The following NAALADL2 variants were observed in gnomAD, a reference collection of about 807,000 sequenced individuals.
NAALADL2 encodes inactive N-acetylated-alpha-linked acidic dipeptidase-like protein 2.
In NAALADL2, 76 loss-of-function variants were observed where a neutral mutation model predicts 87.2. That is an observed-to-expected ratio of 0.87 (90% CI 0.72 to 1.05). The LOEUF (loss-of-function observed/expected upper bound fraction) is 1.05. Among genes scored for constraint, NAALADL2 ranks in the 50% least tolerant of loss-of-function variants. NAALADL2 has a pLI of 0.00. For synonymous variants in NAALADL2, 354 were observed against 331.0 expected, an observed-to-expected ratio of 1.07 and a Z score of -0.75; for missense variants, 1,089 against 945.8, an observed-to-expected ratio of 1.15 and a Z score of -1.99.
intron 7 of NAALADL2, among the ~76,000 whole-genome samples, chr3:175,464,356 G>A (rs542881346): frequency 1.5e-4 from 23 of 151,538 alleles, no homozygotes; most frequent in Admixed American, 9.9e-4. Context: ...TCTGGGAGGC[G>A]GAGGTTGCAG....
At chr3:175,380,715 T>G (rs907242812) in intron 5 of NAALADL2, among the ~76,000 whole-genome samples, 4 of 152,156 alleles carry the variant, frequency 2.6e-5, no homozygotes, top group Non-Finnish European at 4.4e-5. Context: ...AAATAAAGCT[T>G]TTTATGTTTT....
At position 174,659,551 on chromosome 3, in the gene NAALADL2, A is replaced by G. The variant is rs141170297; in HGVS notation, c.-114-78090A>G. ...CTGATTCTTTCCTTTTTTCCTCTTTAGATTCATTCTCCTTCTCTCTGCCCT... is the reference window on the plus strand; with the variant it reads ...CTGATTCTTTCCTTTTTTCCTCTTTGGATTCATTCTCCTTCTCTCTGCCCT... On this transcript the variant is annotated intron_variant, in intron 2 of 3. Transcript: ENST00000434257. 3.2e-3 allele frequency among the ~76,000 whole-genome samples: 487 copies of G among 152,154 alleles called. 5 individuals carry two copies. Among genetic ancestry groups the G allele is most frequent in the African/African-American group, 0.011 (453 of 41,528 alleles).
intron 5 of NAALADL2, among the ~76,000 whole-genome samples, chr3:175,340,914 A>T (rs1762503464): frequency 6.6e-6 from 1 of 152,090 alleles, no homozygotes; most frequent in African/African-American, 2.4e-5. Context: ...GAAGAATAAG[A>T]TGTTACAGGA....
At position 175,760,152 on chromosome 3, in the gene NAALADL2, C is replaced by CT. The variant is rs1747813772; in HGVS notation, c.2189+4735dup. ...TGGCTAATTTAGTGATTGTGTGGCTCTAAGAGTCTCGTTGCAGGTTGTTTT... is the reference window on the plus strand; with the variant it reads ...TGGCTAATTTAGTGATTGTGTGGCTCTTAAGAGTCTCGTTGCAGGTTGTTTT... On this transcript the variant is annotated intron_variant, in intron 13 of 13. Coordinates refer to ENST00000454872, the MANE Select transcript of NAALADL2 (RefSeq NM_207015.3). Among the ~76,000 whole-genome samples, 3 of 152,220 alleles carry CT rather than the reference C, an allele frequency of 2.0e-5. No homozygotes were observed. In the South Asian group the frequency reaches 6.2e-4, roughly 32 times the overall value.
At chr3:174,754,182 T>G (rs1711672261) in intron 3 of NAALADL2, among the ~76,000 whole-genome samples, 1 of 152,234 alleles carries the variant, frequency 6.6e-6, no homozygotes, top group South Asian at 2.1e-4. Flanking sequence ...AGTTATTACC[T>G]TGGTAGGGAT....
chr3:175,001,701 A>G (rs1026472612), intron 1 of NAALADL2, among the ~76,000 whole-genome samples: 3 of 152,142 alleles, frequency 2.0e-5, no homozygotes, highest in Non-Finnish European at 2.9e-5. Flanking sequence ...TATTCTGCAA[A>G]AGAAAATTAT....
chr3:175,299,548 T>C (rs1756784210), intron 4 of NAALADL2, among the ~76,000 whole-genome samples: 1 of 152,182 alleles, frequency 6.6e-6, no homozygotes, highest in Non-Finnish European at 1.5e-5. Flanking sequence ...TTTATTGTCT[T>C]TGTAGCAATT....
At chr3:175,441,671 TCACACACACACA>T (rs57990259) in intron 5 of NAALADL2, among the ~76,000 whole-genome samples, 13 of 148,642 alleles carry the variant, frequency 8.7e-5, no homozygotes, top group Admixed American at 1.3e-4. Flanking sequence ...GATCTCATGT[TCACACACACACA>T]CACACACACA....
chr3:175,633,189 C>G (rs1246125386), intron 11 of NAALADL2, among the ~76,000 whole-genome samples: 1 of 152,018 alleles, frequency 6.6e-6, no homozygotes, highest in Non-Finnish European at 1.5e-5. Context: ...ACTTTTGAAC[C>G]AATTTTTTGG....
intron 5 of NAALADL2, among the ~76,000 whole-genome samples, chr3:175,338,396 G>A (rs1200472979): frequency 1.3e-5 from 2 of 151,734 alleles, no homozygotes; most frequent in African/African-American, 4.8e-5. Flanking sequence ...AGATGCTGCA[G>A]GGCGGTATAA....
intron 1 of NAALADL2, among the ~76,000 whole-genome samples, chr3:174,462,284 C>T (rs933274599): frequency 2.0e-5 from 3 of 152,004 alleles, no homozygotes; most frequent in Non-Finnish European, 4.4e-5. Context: ...GAACTCAACA[C>T]AAAAACAGCT....
intron 1 of NAALADL2, among the ~76,000 whole-genome samples, chr3:174,492,542 TGTGTGTGTGTGC>T (rs1338633920): frequency 1.3e-5 from 2 of 152,114 alleles, no homozygotes; most frequent in Admixed American, 1.3e-4. Flanking sequence ...GTATTTTGTG[TGTGTGTGTGTGC>T]TGAAAGCAAC....
chr3:175,301,770 C>T (rs1757114727), intron 4 of NAALADL2, among the ~76,000 whole-genome samples: 1 of 152,106 alleles, frequency 6.6e-6, no homozygotes. Context: ...TAAAGTAACA[C>T]CAGTAACAGT....
At chr3:174,913,624 C>T (rs1038348801) in intron 1 of NAALADL2, among the ~76,000 whole-genome samples, 5 of 151,736 alleles carry the variant, frequency 3.3e-5, no homozygotes, top group Non-Finnish European at 7.4e-5. Context: ...GCAATCTCCT[C>T]TGGAAAAAAA....
Position 175,806,730 on chromosome 3 carries a change from C to G in NAALADL2, c.*3527C>G, listed in dbSNP as rs1363218485. 1.4e-5 allele frequency: 2 copies of G among 144,204 alleles called. No individual in the cohort carries two copies. The highest frequency in any genetic ancestry group is 3.0e-5 in the Non-Finnish European group (2 of 66,242). The allele number at this position is 144,204 out of a possible 1,614,324, so 8.9% of individuals were successfully genotyped here. A position where few individuals can be genotyped will look rare whatever the true frequency, so the allele number is the denominator to read the frequency against. On this transcript the variant is annotated 3_prime_UTR_variant, in exon 14 of 14. Coordinates refer to ENST00000454872, the MANE Select transcript of NAALADL2 (RefSeq NM_207015.3). ...TTTTTTTTTTAATTCCCACAACAACCCATTTCAAAATGAGAAAACTAGGTT... is the reference window on the plus strand; with the variant it reads ...TTTTTTTTTTAATTCCCACAACAACGCATTTCAAAATGAGAAAACTAGGTT...
intron 5 of NAALADL2, among the ~76,000 whole-genome samples, chr3:175,353,859 C>T (rs1764052391): frequency 6.6e-6 from 1 of 152,156 alleles, no homozygotes; most frequent in African/African-American, 2.4e-5. Context: ...AAAACTAAAA[C>T]TACCAAAGGT....
At chr3:175,071,342 A>G (rs1261401158) in intron 1 of NAALADL2, among the ~76,000 whole-genome samples, 8 of 152,114 alleles carry the variant, frequency 5.3e-5, no homozygotes, top group African/African-American at 1.7e-4. Flanking sequence ...AATTTTTGGA[A>G]ACATAACCTT....
intron 11 of NAALADL2, among the ~76,000 whole-genome samples, chr3:175,732,690 G>C (rs899074657): frequency 3.3e-5 from 5 of 152,088 alleles, no homozygotes; most frequent in African/African-American, 9.7e-5. Flanking sequence ...AGACCTTGAG[G>C]CTCTTTCTTT....
chr3:175,330,888 A>G (rs1424212999), intron 5 of NAALADL2, among the ~76,000 whole-genome samples: 1 of 152,158 alleles, frequency 6.6e-6, no homozygotes, highest in South Asian at 2.1e-4. Flanking sequence ...AAAAGATAAA[A>G]TAGATAAACC....
Sources: allele counts gnomAD v4.1 joint callset (sites outside exome capture counted in the v4.1 genomes callset), GRCh38; gene constraint gnomAD v4.1.1; transcripts MANE v1.5; gene names NCBI Gene and HGNC (gene_info 2026-07-23, HGNC 2026-07-21).